The following SBF2 variants were observed in gnomAD, a reference collection of about 807,000 sequenced individuals.
The protein encoded by SBF2 is SET binding factor 2.
In SBF2, 112 loss-of-function variants were observed where a neutral mutation model predicts 225.2. The observed-to-expected ratio is 0.50, with a 90% CI of 0.43 to 0.58. The LOEUF is 0.58. SBF2 is among the 20% of genes least tolerant of loss of function. SBF2 has a pLI of 0.00. For missense variants in SBF2, 1,996 were observed against 2,206.2 expected (o/e 0.90, Z 1.91); for synonymous variants, 763 against 773.3 (o/e 0.99, Z 0.22).
At chr11:10,258,284 A>G (rs973376018) in intron 1 of SBF2, among the ~76,000 whole-genome samples, 3 of 151,856 alleles carry the variant, frequency 2.0e-5, no homozygotes, top group African/African-American at 7.3e-5. Flanking sequence ...TTTTATTTTT[A>G]TTTTTTAAAG....
At chr11:9,858,137 C>G (rs1250181354) in intron 18 of SBF2, 89 bp downstream of exon 18, 2 of 1,445,894 alleles carry the variant, frequency 1.4e-6, no homozygotes, top group African/African-American at 1.4e-5. Context: ...CAGGAAGTAG[C>G]TAGAGTTTTT....
intron 2 of SBF2, among the ~76,000 whole-genome samples, chr11:10,174,840 C>G (rs12289865): frequency 0.082 from 12,087 of 148,074 alleles, 696 homozygotes; most frequent in East Asian, 0.25. Context: ...AGCCAGAAGA[C>G]AGTGGGGGCC....
rs137939953 is a variant in SBF2 at position 9,920,182 on chromosome 11, A to ATGTGTGTG, written c.1861-24179_1861-24172dup. ...TAAGGCTCAAAACTGCAAATACTAT[A>ATGTGTGTG]TGTGTGTGTGTGTGTGTGTGTGTAT... On this transcript the variant is annotated intron_variant, in intron 16 of 39. Coordinates refer to ENST00000256190, the MANE Select transcript of SBF2 (RefSeq NM_030962.4). Among the ~76,000 whole-genome samples the ATGTGTGTG allele has an allele frequency of 8.5e-3, 1,255 of 147,154 alleles. 10 individuals carry two copies. Among genetic ancestry groups the ATGTGTGTG allele is most frequent in the Admixed American group, 0.015 (221 of 14,762 alleles).
At chr11:10,136,552 A>G (rs907917848) in intron 2 of SBF2, among the ~76,000 whole-genome samples, 3 of 152,182 alleles carry the variant, frequency 2.0e-5, no homozygotes, top group African/African-American at 7.2e-5. Context: ...TGGAGAACAA[A>G]CAAATTATCA....
intron 16 of SBF2, among the ~76,000 whole-genome samples, chr11:9,933,930 GAA>G (rs1864690690): frequency 6.6e-6 from 1 of 151,972 alleles, no homozygotes; most frequent in Non-Finnish European, 1.5e-5. Flanking sequence ...TAATAAAGAA[GAA>G]AAGAGAGAAG....
At chr11:10,234,124 T>A (rs1958968220) in intron 1 of SBF2, among the ~76,000 whole-genome samples, 2 of 152,188 alleles carry the variant, frequency 1.3e-5, no homozygotes, top group Admixed American at 6.5e-5. Flanking sequence ...TTTCTCTCAT[T>A]TATATGTCCC....
intron 28 of SBF2, among the ~76,000 whole-genome samples, chr11:9,821,299 T>G (rs746778399): frequency 6.6e-6 from 1 of 152,206 alleles, no homozygotes; most frequent in African/African-American, 2.4e-5. Context: ...GACTCATTAT[T>G]GTATCTTCAA....
At chr11:10,170,778 G>A (rs949533583) in intron 2 of SBF2, among the ~76,000 whole-genome samples, 5 of 151,922 alleles carry the variant, frequency 3.3e-5, no homozygotes, top group South Asian at 2.1e-4. Context: ...TCCAATCCAT[G>A]AACATGGAAT....
Position 10,259,047 on chromosome 11 carries a change from A to G in SBF2, c.55+34968T>C, listed in dbSNP as rs576465776. Among the ~76,000 whole-genome samples the G allele has an allele frequency of 3.8e-3, 582 of 152,310 alleles. 4 individuals carry two copies. Among genetic ancestry groups the G allele is most frequent in the South Asian group, 5.4e-3 (26 of 4,822 alleles). ...CTGGGAACCTAGTCCTTGGACTTCTATGAGATCTTTATTGTACCCTTATAA... is the reference window on the plus strand; with the variant it reads ...CTGGGAACCTAGTCCTTGGACTTCTGTGAGATCTTTATTGTACCCTTATAA... On this transcript the variant is annotated intron_variant, in intron 1 of 39. Transcript: ENST00000256190.
intron 16 of SBF2, among the ~76,000 whole-genome samples, chr11:9,912,514 G>A (rs921015235): frequency 2.0e-5 from 3 of 152,114 alleles, no homozygotes; most frequent in African/African-American, 4.8e-5. Context: ...CCTGGGATGC[G>A]GAGGTTGCAG....
chr11:9,989,362 A>G (rs1455480262), intron 13 of SBF2, 135 bp downstream of exon 13: 1 of 609,258 alleles, frequency 1.6e-6, no homozygotes, highest in Non-Finnish European at 2.9e-6. Context: ...TTGGGTGATG[A>G]GTGCACCAAA....
intron 32 of SBF2, among the ~76,000 whole-genome samples, chr11:9,805,871 T>C (rs1853808081): frequency 6.6e-6 from 1 of 152,198 alleles, no homozygotes; most frequent in Non-Finnish European, 1.5e-5. Flanking sequence ...TCCACCCACC[T>C]TGGCCTCCCA....
At position 9,975,928 on chromosome 11, in the gene SBF2, G is replaced by A. The variant is rs1423385611; in HGVS notation, c.1396-7383C>T. 2.0e-5 allele frequency among the ~76,000 whole-genome samples: 3 copies of A among 152,052 alleles called. No individual in the cohort carries two copies. In the East Asian group the frequency reaches 5.8e-4, roughly 29 times the overall value. On this transcript the variant is annotated intron_variant, in intron 13 of 39. Coordinates refer to ENST00000256190, the MANE Select transcript of SBF2 (RefSeq NM_030962.4). ...TTAACATTTTGCGGAAATGTAAAGG[G>A]CGTAGATTTTATTTGATTTGGACTA...
chr11:10,127,579 T>C (rs1490679429), intron 2 of SBF2, among the ~76,000 whole-genome samples: 4 of 152,168 alleles, frequency 2.6e-5, no homozygotes, highest in African/African-American at 9.6e-5. Context: ...TTGATGGTTC[T>C]CTATCTCTAT....
chr11:10,288,403 G>C (rs765016684), intron 1 of SBF2, among the ~76,000 whole-genome samples: 21 of 152,178 alleles, frequency 1.4e-4, no homozygotes, highest in Admixed American at 3.3e-4. Flanking sequence ...ATCCTGATGA[G>C]TGTTCAGCTC....
At chr11:10,175,065 A>T (rs1381689158) in intron 2 of SBF2, among the ~76,000 whole-genome samples, 1 of 152,086 alleles carries the variant, frequency 6.6e-6, no homozygotes, top group African/African-American at 2.4e-5. Flanking sequence ...TCATGCCAAA[A>T]TGTAAAGACC....
At chr11:9,903,043 C>G (rs868848433) in intron 16 of SBF2, among the ~76,000 whole-genome samples, 3 of 151,934 alleles carry the variant, frequency 2.0e-5, no homozygotes, top group Admixed American at 6.5e-5. Flanking sequence ...AACAATTGGC[C>G]GTGCGCGGTG....
chr11:9,782,832 T>C (rs1003730700), intron 38 of SBF2, among the ~76,000 whole-genome samples: 1 of 146,200 alleles, frequency 6.8e-6, no homozygotes, highest in Admixed American at 7.0e-5. Flanking sequence ...ATTGCACCAC[T>C]GCACTCCAGC....
At chr11:10,034,285 T>G (rs1949360355) in intron 3 of SBF2, among the ~76,000 whole-genome samples, 1 of 152,236 alleles carries the variant, frequency 6.6e-6, no homozygotes, top group Admixed American at 6.5e-5. Context: ...TCTGTGTAAC[T>G]TATGTGTAGT....
Sources: allele counts gnomAD v4.1 joint callset (sites outside exome capture counted in the v4.1 genomes callset), GRCh38; gene constraint gnomAD v4.1.1; transcripts MANE v1.5; gene names NCBI Gene and HGNC (gene_info 2026-07-23, HGNC 2026-07-21).